Variants in WSCD2 observed in about 807,000 individuals in gnomAD.
The protein encoded by WSCD2 is WSC domain sialate O sulfotransferase 2.
Under a neutral mutation model 55.7 loss-of-function variants are expected in WSCD2, and 28 were observed. The ratio of observed to expected loss-of-function variants is 0.50; its 90% CI spans 0.37 to 0.69. WSCD2 has a LOEUF of 0.69. WSCD2 is among the 30% of genes least tolerant of loss of function. The pLI is 0.00. For missense variants in WSCD2, 616 were observed against 762.1 expected, an observed-to-expected ratio of 0.81 and a Z score of 2.26; for synonymous variants, 301 against 301.9, an observed-to-expected ratio of 1.00 and a Z score of 0.03.
At chr12:108,229,009 CACT>C (rs368101356) in intron 6 of WSCD2, among the ~76,000 whole-genome samples, 1 of 152,316 alleles carries the variant, frequency 6.6e-6, no homozygotes, top group Non-Finnish European at 1.5e-5. Flanking sequence ...CCAGAACAGA[CACT>C]GGAGCCTTTT....
At position 108,224,646 on chromosome 12, in the gene WSCD2, T is replaced by C; in HGVS notation, c.683-93T>C. The C allele has an allele frequency of 2.6e-6, 4 of 1,513,348 alleles. No individual in the cohort carries two copies. In the South Asian group the frequency reaches 5.2e-5, roughly 20 times the overall value. The allele number at this position is 1,513,348 out of a possible 1,614,324, so 93.7% of individuals were successfully genotyped here. Reference sequence around the variant, plus strand: ...TGCTCTGTGACCTTGGGCAAGACTCTTGCCTTCTCTGAGCTTTCTTCAGAA... The same window carrying C: ...TGCTCTGTGACCTTGGGCAAGACTCCTGCCTTCTCTGAGCTTTCTTCAGAA... On this transcript the variant is annotated intron_variant, in intron 4 of 8. Transcript: ENST00000547525.
chr12:108,159,986 C>T (rs546350889), intron 1 of WSCD2, among the ~76,000 whole-genome samples: 5 of 152,168 alleles, frequency 3.3e-5, no homozygotes, highest in Non-Finnish European at 5.9e-5. Context: ...CTGCGAGGGG[C>T]CTTCGTGGAG....
Position 108,185,353 on chromosome 12 carries a change from C to A in WSCD2, c.-551-9929C>A, listed in dbSNP as rs1355776384. Among the ~76,000 whole-genome samples, 3 of 152,158 alleles carry A rather than the reference C, an allele frequency of 2.0e-5. No individual in the cohort carries two copies. In the South Asian group the frequency reaches 6.2e-4, roughly 32 times the overall value. ...CTCTAGGCCCTTGTGGGATGGACCC[C>A]CACTGACCTTTTTCCACCTCCCAGT... On this transcript the variant is annotated intron_variant, in intron 1 of 8. Coordinates refer to ENST00000547525, the MANE Select transcript of WSCD2 (RefSeq NM_014653.4).
At chr12:108,237,016 T>A (rs1315799538) in intron 7 of WSCD2, among the ~76,000 whole-genome samples, 1 of 152,124 alleles carries the variant, frequency 6.6e-6, no homozygotes, top group Non-Finnish European at 1.5e-5. Context: ...GCCTACAGAG[T>A]TGGCAGCCTC....
At chr12:108,182,840 T>C (rs1881961791) in intron 1 of WSCD2, among the ~76,000 whole-genome samples, 1 of 136,614 alleles carries the variant, frequency 7.3e-6, no homozygotes. Flanking sequence ...TTTAATATAG[T>C]TTTTTTTTTT....
intron 1 of WSCD2, among the ~76,000 whole-genome samples, chr12:108,145,252 G>A (rs1877263057): frequency 2.0e-5 from 3 of 152,130 alleles, no homozygotes. Context: ...CCTCCTTCAG[G>A]TCTTGGGTGA....
At chr12:108,236,734 A>G (rs1395353298) in intron 7 of WSCD2, among the ~76,000 whole-genome samples, 2 of 150,024 alleles carry the variant, frequency 1.3e-5, no homozygotes, top group Non-Finnish European at 3.0e-5. Context: ...GTCTCATTTT[A>G]TTTCTGTGTC....
intron 1 of WSCD2, among the ~76,000 whole-genome samples, chr12:108,145,691 C>T (rs1877312093): frequency 6.6e-6 from 1 of 152,140 alleles, no homozygotes; most frequent in Non-Finnish European, 1.5e-5. Flanking sequence ...CTTTATAATA[C>T]TCATAACTGT....
intron 3 of WSCD2, 149 bp downstream of exon 3, chr12:108,206,552 G>A: frequency 1.4e-6 from 1 of 730,012 alleles, no homozygotes. Context: ...TGTGTGCATT[G>A]TGTGTATGTG....
Position 108,196,142 on chromosome 12 carries a change from C to A in WSCD2, c.310C>A (p.Leu104Ile). ...KGKDGNERAK[L>I]GDYGGAWSRA... ...CAAGGATGGGAATGAGAGAGCCAAG[C>A]TTGGCGACTACGGTGGAGCCTGGAG... The change falls in exon 2 of 9, where the codon CTT becomes ATT. Residue 104 changes from leucine to isoleucine, a missense_variant. Coordinates refer to ENST00000547525, the MANE Select transcript of WSCD2 (RefSeq NM_014653.4). 6.2e-7 allele frequency: 1 copy of A among 1,614,172 alleles called. No homozygotes were observed. Among genetic ancestry groups the A allele is most frequent in the Non-Finnish European group, 8.5e-7 (1 of 1,180,042 alleles).
At chr12:108,206,900 T>C (rs1315356485) in intron 3 of WSCD2, among the ~76,000 whole-genome samples, 2 of 152,230 alleles carry the variant, frequency 1.3e-5, no homozygotes, top group African/African-American at 2.4e-5. Context: ...TAGATGTGCA[T>C]GTGCATGCAG....
In WSCD2 at chr12:108,248,390, G is replaced by A. The variant is rs2137257579; in HGVS notation, c.*47G>A. ...TAGACTGGGAGTCCTGACCACGCAG[G>A]CCCTGGGGACTCAAGACCCCTGGTT... is the stretch of plus-strand genomic sequence containing the variant. On this transcript the variant is annotated 3_prime_UTR_variant, in exon 9 of 9. Coordinates refer to ENST00000547525, the MANE Select transcript of WSCD2 (RefSeq NM_014653.4). The surrounding 1 kb of genome is among the most constrained non-coding windows in gnomAD (Gnocchi z 4.3). 3.2e-6 allele frequency: 5 copies of A among 1,569,424 alleles called. No individual in the cohort carries two copies. Among genetic ancestry groups the A allele is most frequent in the South Asian group, 1.2e-5 (1 of 83,704 alleles).
At chr12:108,181,023 A>G (rs1380011946) in intron 1 of WSCD2, among the ~76,000 whole-genome samples, 2 of 152,248 alleles carry the variant, frequency 1.3e-5, no homozygotes, top group African/African-American at 2.4e-5. Context: ...TCCGGATTCA[A>G]GCCCAAGAAC....
chr12:108,229,026 C>T lies in WSCD2; in HGVS notation c.979+1862C>T, dbSNP rs139100669. On this transcript the variant is annotated intron_variant, in intron 6 of 8. Transcript: ENST00000547525. ...AGAACAGACACTGGAGCCTTTTCAA[C>T]GCAGATAACAATTCCCTAATTGATG... Among the ~76,000 whole-genome samples the T allele has an allele frequency of 4.7e-3, 716 of 152,284 alleles. 4 individuals are homozygous for T. Among genetic ancestry groups the T allele is most frequent in the African/African-American group, 0.015 (613 of 41,538 alleles).
chr12:108,240,429 C>CT lies in WSCD2; in HGVS notation c.1232dup (p.Asp412ArgfsTer17). 6.2e-7 allele frequency: 1 copy of CT among 1,614,186 alleles called. No individual in the cohort carries two copies. Among genetic ancestry groups the CT allele is most frequent in the Non-Finnish European group, 8.5e-7 (1 of 1,180,038 alleles). ...AAAGCGGCCAGAAAGAGATCGAGGC[C>CT]TTCGACGCCGCCATCCTGCTCATCC... On this transcript the variant is annotated frameshift_variant, in exon 8 of 9. Coordinates refer to ENST00000547525, the MANE Select transcript of WSCD2 (RefSeq NM_014653.4). LOFTEE classifies it high-confidence loss of function.
At chr12:108,246,865 G>A (rs1010044722) in intron 8 of WSCD2, among the ~76,000 whole-genome samples, 80 of 152,232 alleles carry the variant, frequency 5.3e-4, no homozygotes, top group African/African-American at 1.7e-3. Flanking sequence ...TGCAGGGGAC[G>A]GAGAGAGGAA....
intron 7 of WSCD2, among the ~76,000 whole-genome samples, chr12:108,237,982 CT>C (rs776824515): frequency 2.0e-5 from 3 of 152,216 alleles, no homozygotes; most frequent in Non-Finnish European, 2.9e-5. Context: ...GGTATACCCC[CT>C]GCCTGTGTTT....
At chr12:108,230,567 T>C (rs1306898737) in intron 6 of WSCD2, among the ~76,000 whole-genome samples, 1 of 152,192 alleles carries the variant, frequency 6.6e-6, no homozygotes, top group East Asian at 1.9e-4. Context: ...TTTTCCTATG[T>C]CACCCAAAAA....
In WSCD2 at chr12:108,232,821, C is replaced by G. The variant is rs138948518; in HGVS notation, c.1070C>G (p.Ala357Gly). The change falls in exon 7 of 9, where the codon GCT (alanine) becomes GGT (glycine). Residue 357 changes from alanine to glycine, a missense_variant. Coordinates refer to ENST00000547525, the MANE Select transcript of WSCD2 (RefSeq NM_014653.4). ...ASFPGAGNTWARHLIELATGF... is the reference protein window; with the variant it reads ...ASFPGAGNTWGRHLIELATGF... The stretch of plus-strand genomic sequence containing the variant: ...TTCCCAGGTGCTGGCAACACGTGGG[C>G]TCGCCACCTCATTGAATTGGCCACA... The G allele has an allele frequency of 6.2e-7, 1 of 1,614,104 alleles. No individual in the cohort carries two copies. The highest frequency in any genetic ancestry group is 1.3e-5 in the African/African-American group (1 of 75,044).
Sources: gnomAD v4.1 joint callset for allele counts (sites outside exome capture counted in the v4.1 genomes callset) on GRCh38, gnomAD v4.1.1 for gene constraint, Gnocchi (gnomAD v3.1) non-coding constraint, MANE v1.5 for transcripts, NCBI Gene and HGNC (gene_info 2026-07-23, HGNC 2026-07-21) for gene names.